The following CYB5R2 variants were observed in gnomAD, a reference collection of about 807,000 sequenced individuals.
CYB5R2 encodes the protein cytochrome b5 reductase 2.
CYB5R2 carries 35 observed loss-of-function variants against 29.8 expected under a neutral mutation model. The ratio of observed to expected loss-of-function variants is 1.17; its 90% CI spans 0.90 to 1.56. CYB5R2 has a LOEUF of 1.56. CYB5R2 is among the 40% of genes most tolerant of loss of function. CYB5R2 has a pLI of 0.00. For missense variants in CYB5R2, 419 were observed against 346.7 expected, an observed-to-expected ratio of 1.21 and a Z score of -1.66; for synonymous variants, 169 against 130.6, an observed-to-expected ratio of 1.29 and a Z score of -2.01.
intron 3 of CYB5R2, chr11:7,670,684 TG>T: frequency 6.6e-6 from 1 of 152,342 alleles, no homozygotes; most frequent in South Asian, 2.1e-4. Context: ...CAGAGACCTA[TG>T]GATCATGACT....
In CYB5R2 at chr11:7,665,919, C is replaced by T. The variant is rs1020635101; in HGVS notation, c.659-373G>A. The T allele has an allele frequency of 9.8e-6, 15 of 1,535,898 alleles. No individual in the cohort carries two copies. In the East Asian group the frequency reaches 9.8e-5, roughly 10 times the overall value. On this transcript the variant is annotated intron_variant, in intron 8 of 8. Coordinates refer to ENST00000299498, the MANE Select transcript of CYB5R2 (RefSeq NM_016229.5). ...TGCGCAGAATTGCTCAGTAGGGTAG[C>T]GCCCTCTGCCGACCAGGGACCTGTA...
At chr11:7,672,628 A>G in intron 2 of CYB5R2, 105 bp from the exon 3 acceptor site, 1 of 1,450,550 alleles carries the variant, frequency 6.9e-7, no homozygotes, top group African/African-American at 1.4e-5. Flanking sequence ...TCCAGCACAC[A>G]CACACACACA....
chr11:7,665,168 G>C lies in CYB5R2; in HGVS notation c.*206C>G. ...AGATACTGAAATGGAGCTCTTTCCA[G>C]CCTCCAAGCAAGGAGGCCCCAGCAG... On this transcript the variant is annotated 3_prime_UTR_variant, in exon 9 of 9. Transcript: ENST00000299498. 1 of 462,408 alleles carries C rather than the reference G, an allele frequency of 2.2e-6. No homozygotes were observed. Among genetic ancestry groups the C allele is most frequent in the African/African-American group, 2.0e-5 (1 of 50,322 alleles). 28.6% of individuals were successfully genotyped at this position (462,408 alleles called of 1,614,324 possible). A position where few individuals can be genotyped will look rare whatever the true frequency, so the allele number is the denominator to read the frequency against.
chr11:7,672,328 G>A, intron 3 of CYB5R2, 123 bp downstream of exon 3: 2 of 768,950 alleles, frequency 2.6e-6, no homozygotes, highest in Non-Finnish European at 4.3e-6. Context: ...GAGCTCACAG[G>A]CTCAGGAGGA....
intron 8 of CYB5R2, chr11:7,666,046 G>A (rs1855163581): frequency 1.3e-6 from 1 of 791,960 alleles, no homozygotes; most frequent in Non-Finnish European, 2.1e-6. Flanking sequence ...CAGCTGTCTG[G>A]GGGCTCAGCA....
chr11:7,674,088 C>T, upstream of CYB5R2: 1 of 1,196,192 alleles, frequency 8.4e-7, no homozygotes, highest in South Asian at 1.5e-5. Flanking sequence ...GCAGAGCTGC[C>T]ACACTGAGCG....
At position 7,667,816 on chromosome 11, in the gene CYB5R2, G is replaced by A. The variant is rs759436821; in HGVS notation, c.473-3C>T. The A allele has an allele frequency of 7.4e-6, 12 of 1,613,696 alleles. No individual in the cohort carries two copies. The highest frequency in any genetic ancestry group is 1.1e-5 in the South Asian group (1 of 91,082). On this transcript the variant is annotated splice_region_variant and splice_polypyrimidine_tract_variant and intron_variant, in intron 6 of 8. Coordinates refer to ENST00000299498, the MANE Select transcript of CYB5R2 (RefSeq NM_016229.5). ...GAGCTGCAACATGGGTGTGATGCCT[G>A]GAACACAGTGAGCGAGCAGCCAGCT...
At chr11:7,669,387 A>C in intron 4 of CYB5R2, 53 bp from the exon 5 acceptor site, 3 of 1,561,284 alleles carry the variant, frequency 1.9e-6, no homozygotes, top group Non-Finnish European at 1.7e-6. Flanking sequence ...TGCCACAGCC[A>C]CGTACAACTA....
chr11:7,674,209 A>G (rs1200601671), upstream of CYB5R2: 15 of 1,277,006 alleles, frequency 1.2e-5, no homozygotes, highest in Non-Finnish European at 1.5e-5. Flanking sequence ...GCGCGCGAAT[A>G]TATTCATTCG....
rs1855123286 is a variant in CYB5R2 at position 7,665,838 on chromosome 11, A to T, written c.659-292T>A. ...ACAACGAGGTATACCGAGGTGTGTG[A>T]ATCAGTACAGCCAGCTGGAGTTGTC... On this transcript the variant is annotated intron_variant, in intron 8 of 8. Coordinates refer to ENST00000299498, the MANE Select transcript of CYB5R2 (RefSeq NM_016229.5). The T allele has an allele frequency of 3.3e-6, 5 of 1,535,278 alleles. No homozygotes were observed. In the Admixed American group the frequency reaches 5.9e-5, roughly 18 times the overall value.
At chr11:7,665,682 G>A in intron 8 of CYB5R2, 136 bp from the exon 9 acceptor site, 8 of 1,174,330 alleles carry the variant, frequency 6.8e-6, no homozygotes, top group Non-Finnish European at 9.4e-6. Flanking sequence ...CTGTACTACT[G>A]CTCCCTGCAA....
At chr11:7,674,247 C>T, upstream of CYB5R2, 7 of 1,288,690 alleles carry the variant, frequency 5.4e-6, no homozygotes, top group Non-Finnish European at 7.1e-6. Flanking sequence ...CTACCCTGGG[C>T]CTGGTCCGGG....
intron 6 of CYB5R2, 55 bp downstream of exon 6, chr11:7,668,423 G>A (rs906988543): frequency 1.5e-6 from 2 of 1,364,802 alleles, no homozygotes; most frequent in Admixed American, 3.3e-5. Context: ...TGACTCCCAA[G>A]TCAGAATGGG....
At chr11:7,668,041 A>G (rs1855441785) in intron 6 of CYB5R2, among the ~76,000 whole-genome samples, 1 of 152,248 alleles carries the variant, frequency 6.6e-6, no homozygotes, top group Non-Finnish European at 1.5e-5. Flanking sequence ...AGAACACTCT[A>G]AGTTCTTCAG....
At chr11:7,670,695 T>C (rs1436065674) in intron 3 of CYB5R2, 1 of 152,246 alleles carries the variant, frequency 6.6e-6, no homozygotes, top group African/African-American at 2.4e-5. Context: ...GGATCATGAC[T>C]ACATCCCACT....
upstream of CYB5R2, chr11:7,674,240 C>T (rs913921895): frequency 2.3e-6 from 3 of 1,288,426 alleles, no homozygotes; most frequent in African/African-American, 3.0e-5. Flanking sequence ...TGGGCGCCTA[C>T]CCTGGGCCTG....
At chr11:7,673,934 C>A, upstream of CYB5R2, 1 of 1,000,760 alleles carries the variant, frequency 1.0e-6, no homozygotes, top group Non-Finnish European at 1.2e-6. Flanking sequence ...GGGCCGTGGT[C>A]GGGGGGCTCT....
At chr11:7,671,874 G>T (rs983546486) in intron 3 of CYB5R2, 1 of 152,606 alleles carries the variant, frequency 6.6e-6, no homozygotes, top group Admixed American at 6.5e-5. Flanking sequence ...TCTGCAACTC[G>T]TAGGGCTGGT....
rs766755284 is a variant in CYB5R2 at position 7,665,427 on chromosome 11, G to A, written c.778C>T (p.His260Tyr). The A allele has an allele frequency of 6.2e-7, 1 of 1,611,812 alleles. No homozygotes were observed. The highest frequency in any genetic ancestry group is 2.2e-5 in the East Asian group (1 of 44,850). ...GPPPLIQTAA[H>Y]PNLEKLGYTQ... ...TAACCCAGCTTCTCCAGGTTAGGGT[G>A]AGCCGCCGTCTGGATTAGTGGTGGC... The change falls in exon 9 of 9, where the codon CAC becomes TAC. Residue 260 changes from histidine (H) to tyrosine (Y), a missense_variant. By Grantham distance (83) the His-to-Tyr change is moderately conservative. Coordinates refer to ENST00000299498, the MANE Select transcript of CYB5R2 (RefSeq NM_016229.5).
Sources: gnomAD v4.1 joint callset for allele counts (sites outside exome capture counted in the v4.1 genomes callset) on GRCh38, gnomAD v4.1.1 for gene constraint, MANE v1.5 for transcripts, NCBI Gene and HGNC (gene_info 2026-07-23, HGNC 2026-07-21) for gene names.